PECAM1: variants seen among roughly 807,000 people sequenced by gnomAD.
PECAM1 encodes platelet and endothelial cell adhesion molecule 1, also known as platelet endothelial cell adhesion molecule.
PECAM1 carries 8 observed loss-of-function variants against 13.8 expected under a neutral mutation model. The observed-to-expected ratio is 0.58, with a 90% CI of 0.34 to 1.05. PECAM1 has a LOEUF of 1.05. PECAM1 is among the 50% of genes least tolerant of loss of function. The pLI, the probability that PECAM1 is intolerant of heterozygous loss-of-function variation, is 0.03. For missense variants in PECAM1, 304 were observed against 141.2 expected (o/e 2.15, Z -5.84); for synonymous variants, 136 against 52.6 (o/e 2.58, Z -6.86).
chr17:64,341,869 G>A (rs73341057), intron 13 of PECAM1, among the ~76,000 whole-genome samples, 179 bp from the exon 14 acceptor site: 15,094 of 152,112 alleles, frequency 0.099, 1,139 homozygotes, highest in African/African-American at 0.22. Flanking sequence ...GAAGATCCTG[G>A]CTGGGCAAGG....
chr17:64,365,541 C>A (rs1196401228), intron 5 of PECAM1, among the ~76,000 whole-genome samples: 2 of 152,080 alleles, frequency 1.3e-5, no homozygotes, highest in Non-Finnish European at 2.9e-5. Flanking sequence ...AAGAACAAAG[C>A]TGGAGACATC....
At chr17:64,341,086 A>C (rs2035416538) in intron 14 of PECAM1, among the ~76,000 whole-genome samples, 1 of 130,478 alleles carries the variant, frequency 7.7e-6, no homozygotes, top group Non-Finnish European at 1.6e-5. Flanking sequence ...TCAAGAGCGA[A>C]ACTCTGTCTC....
intron 15 of PECAM1, among the ~76,000 whole-genome samples, chr17:64,325,281 G>A (rs972530612): frequency 6.6e-6 from 1 of 152,074 alleles, no homozygotes; most frequent in South Asian, 2.1e-4. Flanking sequence ...CCAGCCACTC[G>A]GGAGGCTGAG....
At chr17:64,386,978 G>A (rs2036607687) in intron 2 of PECAM1, among the ~76,000 whole-genome samples, 4 of 152,074 alleles carry the variant, frequency 2.6e-5, no homozygotes, top group African/African-American at 9.7e-5. Flanking sequence ...GAGGTGTTGA[G>A]AGGGGAGCTG....
chr17:64,338,568 T>C (rs2035344139), intron 14 of PECAM1, among the ~76,000 whole-genome samples: 1 of 57,738 alleles, frequency 1.7e-5, no homozygotes, highest in Admixed American at 1.4e-4. Context: ...TTTATTTTTA[T>C]TTTTTTGAGA....
chr17:64,364,200 AAG>A (rs2036050142), intron 5 of PECAM1, among the ~76,000 whole-genome samples: 1 of 152,206 alleles, frequency 6.6e-6, no homozygotes, highest in Non-Finnish European at 1.5e-5. Context: ...AAACACCTCT[AAG>A]CAAATAAACT....
At chr17:64,359,243 T>C (rs2143805903) in intron 7 of PECAM1, among the ~76,000 whole-genome samples, 1 of 152,310 alleles carries the variant, frequency 6.6e-6, no homozygotes, top group African/African-American at 2.4e-5. Flanking sequence ...GGAAGCCTTA[T>C]TAAACTTTTT....
intron 6 of PECAM1, among the ~76,000 whole-genome samples, chr17:64,361,830 G>C (rs2035990531): frequency 6.7e-6 from 1 of 150,314 alleles, no homozygotes; most frequent in South Asian, 2.1e-4. Flanking sequence ...AATTATATTA[G>C]GTCATTATTT....
chr17:64,339,667 G>T (rs1186569953), intron 14 of PECAM1, among the ~76,000 whole-genome samples: 1 of 152,198 alleles, frequency 6.6e-6, no homozygotes, highest in Non-Finnish European at 1.5e-5. Context: ...TATGGAGATT[G>T]TGAAATGAGG....
At chr17:64,355,749 A>G (rs1051434343) in intron 8 of PECAM1, among the ~76,000 whole-genome samples, 6 of 152,052 alleles carry the variant, frequency 3.9e-5, no homozygotes, top group Non-Finnish European at 8.8e-5. Context: ...TCTCCAGGAA[A>G]CCGCCCCCAC....
At chr17:64,374,283 A>G (rs1312277811) in intron 4 of PECAM1, among the ~76,000 whole-genome samples, 1 of 152,048 alleles carries the variant, frequency 6.6e-6, no homozygotes, top group African/African-American at 2.4e-5. Context: ...TGAGGTTAGG[A>G]GTTTGAGACC....
Position 64,323,194 on chromosome 17 carries a change from T to C in PECAM1, c.*622A>G. ...GCTTGTTCCACCTTCATTTTCTGTT[T>C]TGTGCGTTGCCTGAATGAACGGTGT... On this transcript the variant is annotated 3_prime_UTR_variant, in exon 16 of 16. Coordinates refer to ENST00000563924, the MANE Select transcript of PECAM1 (RefSeq NM_000442.5). The C allele has an allele frequency of 1.0e-6, 1 of 987,556 alleles. No individual in the cohort carries two copies. Among genetic ancestry groups the C allele is most frequent in the Non-Finnish European group, 1.2e-6 (1 of 831,408 alleles). 61.2% of individuals were successfully genotyped at this position (987,556 alleles called of 1,614,324 possible).
intron 2 of PECAM1, among the ~76,000 whole-genome samples, chr17:64,380,562 A>C (rs2036461209): frequency 6.6e-6 from 1 of 152,184 alleles, no homozygotes; most frequent in Non-Finnish European, 1.5e-5. Context: ...ATCTATCTCC[A>C]TGAAGTATGA....
intron 4 of PECAM1, 128 bp downstream of exon 4, chr17:64,374,923 T>C (rs1193109118): frequency 1.2e-5 from 5 of 410,702 alleles, no homozygotes; most frequent in African/African-American, 2.0e-5. Flanking sequence ...TGAAAAATAC[T>C]GGCTTAAAAT....
chr17:64,363,097 C>T, intron 6 of PECAM1, 52 bp downstream of exon 6: 1 of 474,808 alleles, frequency 2.1e-6, no homozygotes, highest in Admixed American at 3.1e-5. Context: ...GATAAATTTC[C>T]TTTCTCCCAT....
At chr17:64,373,144 T>TA (rs1297178001) in intron 4 of PECAM1, among the ~76,000 whole-genome samples, 159 of 149,558 alleles carry the variant, frequency 1.1e-3, no homozygotes, top group African/African-American at 3.7e-3. Flanking sequence ...AATAAATAAA[T>TA]AAAAAAAAAA....
intron 14 of PECAM1, among the ~76,000 whole-genome samples, chr17:64,329,927 G>A (rs782223844): frequency 4.9e-4 from 75 of 152,026 alleles, no homozygotes; most frequent in Non-Finnish European, 9.0e-4. Flanking sequence ...CATGACATGC[G>A]CATAAAGTCC....
At chr17:64,371,762 G>A (rs1450443882) in intron 4 of PECAM1, among the ~76,000 whole-genome samples, 2 of 152,126 alleles carry the variant, frequency 1.3e-5, no homozygotes, top group African/African-American at 2.4e-5. Context: ...CCTGGTGGGC[G>A]GAGGTTGCAG....
At chr17:64,344,302 C>CA (rs2035509041) in intron 13 of PECAM1, among the ~76,000 whole-genome samples, 1 of 152,098 alleles carries the variant, frequency 6.6e-6, no homozygotes, top group African/African-American at 2.4e-5. Flanking sequence ...CCTCCCCACC[C>CA]ACTCCACGGC....
Sources: gnomAD v4.1 joint callset for allele counts (sites outside exome capture counted in the v4.1 genomes callset) on GRCh38, gnomAD v4.1.1 for gene constraint, MANE v1.5 for transcripts, NCBI Gene and HGNC (gene_info 2026-07-23, HGNC 2026-07-21) for gene names.